ENTPD1: variants seen among roughly 807,000 people sequenced by gnomAD.
ENTPD1 encodes the protein ATP diphosphohydrolase.
In ENTPD1, 33 loss-of-function variants were observed where a neutral mutation model predicts 57.0. The ratio of observed to expected loss-of-function variants is 0.58; its 90% CI spans 0.44 to 0.77. The LOEUF (loss-of-function observed/expected upper bound fraction) is 0.77. Ranked by LOEUF, ENTPD1 falls within the 30% of genes least tolerant of loss-of-function variation. The probability of loss-of-function intolerance (pLI) is 0.00; values close to 1 mark genes in which losing one functional copy is unlikely to be tolerated. For synonymous variants in ENTPD1, 202 were observed against 218.8 expected (o/e 0.92, Z 0.68); for missense variants, 501 against 603.4 (o/e 0.83, Z 1.78).
chr10:95,776,326 C>G (rs1307132654), intron 1 of ENTPD1, among the ~76,000 whole-genome samples: 1 of 152,190 alleles, frequency 6.6e-6, no homozygotes, highest in African/African-American at 2.4e-5. Flanking sequence ...TCTTGTAAGG[C>G]AGGCCTGGTG....
rs1566269046 is a variant in ENTPD1, at chr10:95,871,051, A to T, written c.*4668A>T. 3.0e-6 allele frequency: 3 copies of T among 985,144 alleles called. No individual in the cohort carries two copies. The highest frequency in any genetic ancestry group is 3.6e-6 in the Non-Finnish European group (3 of 829,916). The allele number at this position is 985,144 out of a possible 1,614,324, so 61.0% of individuals were successfully genotyped here. ...TGAGAGGAAACTAGGATGCCTCTTAAGGTCTTGGTCAGGATGGGGTCTCCT... is the reference window on the plus strand; with the variant it reads ...TGAGAGGAAACTAGGATGCCTCTTATGGTCTTGGTCAGGATGGGGTCTCCT... On this transcript the variant is annotated 3_prime_UTR_variant, in exon 10 of 10. Coordinates refer to ENST00000371205, the MANE Select transcript of ENTPD1 (RefSeq NM_001776.6).
At chr10:95,709,377 T>C (rs529512973), upstream of ENTPD1, among the ~76,000 whole-genome samples, 3 of 152,130 alleles carry the variant, frequency 2.0e-5, no homozygotes, top group Admixed American at 1.3e-4. Context: ...TTTTTCTGTT[T>C]GTTTGTTTTT....
At position 95,791,027 on chromosome 10, in the gene ENTPD1, T is replaced by C. The variant is rs1357421126; in HGVS notation, c.17-32210T>C. On this transcript the variant is annotated intron_variant, in intron 1 of 9. Coordinates refer to ENST00000371205, the MANE Select transcript of ENTPD1 (RefSeq NM_001776.6). The surrounding 1 kb of genome is among the most constrained non-coding windows in gnomAD (Gnocchi z 4.1). ...CAATGTATTACATAAAAGGATCAAG[T>C]ATCATCAGGCTGGAAAAATGAGCTG... Among the ~76,000 whole-genome samples the C allele has an allele frequency of 6.6e-6, 1 of 152,212 alleles. No homozygotes were observed. The highest frequency in any genetic ancestry group is 1.9e-4 in the East Asian group (1 of 5,208).
At chr10:95,713,319 T>A (rs2097967967) in intron 1 of ENTPD1, among the ~76,000 whole-genome samples, 1 of 152,218 alleles carries the variant, frequency 6.6e-6, no homozygotes, top group African/African-American at 2.4e-5. Flanking sequence ...ACTTTAATTT[T>A]TTTTTCTTAA....
At chr10:95,821,649 C>T (rs916250309) in intron 1 of ENTPD1, among the ~76,000 whole-genome samples, 1 of 152,160 alleles carries the variant, frequency 6.6e-6, no homozygotes, top group Non-Finnish European at 1.5e-5. Flanking sequence ...ACCTGCTCTT[C>T]CTTGTTTGGA....
At chr10:95,864,635 C>T in intron 8 of ENTPD1, 89 bp from the exon 9 acceptor site, 1 of 1,573,812 alleles carries the variant, frequency 6.4e-7, no homozygotes, top group Non-Finnish European at 8.7e-7. Flanking sequence ...GGGGCTTTCC[C>T]CTCTCTTCAT....
chr10:95,850,529 G>T (rs767841726), intron 7 of ENTPD1, among the ~76,000 whole-genome samples: 4 of 152,226 alleles, frequency 2.6e-5, no homozygotes, highest in Non-Finnish European at 5.9e-5. Context: ...GAGCTGATTT[G>T]TAGCACTTAC....
At chr10:95,860,982 G>C (rs1014705379) in intron 8 of ENTPD1, among the ~76,000 whole-genome samples, 2 of 152,214 alleles carry the variant, frequency 1.3e-5, no homozygotes, top group Non-Finnish European at 2.9e-5. Flanking sequence ...AGATACATCT[G>C]TTCCTTTTTA....
intron 1 of ENTPD1, among the ~76,000 whole-genome samples, chr10:95,769,099 G>A (rs1470382223): frequency 6.6e-6 from 1 of 152,178 alleles, no homozygotes; most frequent in Admixed American, 6.5e-5. Flanking sequence ...TCAGACCCAG[G>A]AAAGAAGGCA....
intron 1 of ENTPD1, among the ~76,000 whole-genome samples, chr10:95,813,558 G>A (rs546658195): frequency 6.6e-6 from 1 of 152,126 alleles, no homozygotes; most frequent in African/African-American, 2.4e-5. Flanking sequence ...GCTGGTTTCT[G>A]TTAGGCCCTT....
chr10:95,740,377 G>A (rs950890388), intron 1 of ENTPD1, among the ~76,000 whole-genome samples: 3 of 152,168 alleles, frequency 2.0e-5, no homozygotes, highest in Non-Finnish European at 4.4e-5. Context: ...TGCTTGCCTT[G>A]GCTTCCCAAA....
At chr10:95,708,146 GT>G (rs1246398182), upstream of ENTPD1, among the ~76,000 whole-genome samples, 1 of 151,870 alleles carries the variant, frequency 6.6e-6, no homozygotes, top group African/African-American at 2.4e-5. Context: ...TATCTATTAA[GT>G]TTTTATATGC....
intron 1 of ENTPD1, among the ~76,000 whole-genome samples, chr10:95,728,453 C>T (rs1357298011): frequency 6.6e-6 from 1 of 152,034 alleles, no homozygotes; most frequent in Non-Finnish European, 1.5e-5. Context: ...CAGCTGCAGC[C>T]GCAAACCTCA....
intron 7 of ENTPD1, among the ~76,000 whole-genome samples, chr10:95,857,262 T>C (rs1057457573): frequency 6.6e-6 from 1 of 152,204 alleles, no homozygotes; most frequent in Non-Finnish European, 1.5e-5. Flanking sequence ...TGTTGCTAAA[T>C]CTACCTCATA....
chr10:95,856,917 G>T (rs1048323557), intron 7 of ENTPD1, among the ~76,000 whole-genome samples: 1 of 151,510 alleles, frequency 6.6e-6, no homozygotes, highest in Non-Finnish European at 1.5e-5. Flanking sequence ...ACAGTAAATT[G>T]TTAAAAAGTG....
chr10:95,820,445 G>A (rs919234537), intron 1 of ENTPD1, among the ~76,000 whole-genome samples: 6 of 152,186 alleles, frequency 3.9e-5, no homozygotes, highest in African/African-American at 1.4e-4. Flanking sequence ...ATGTGGAAAA[G>A]TGTACATCTA....
intron 6 of ENTPD1, 121 bp from the exon 7 acceptor site, chr10:95,847,325 T>A: frequency 8.5e-7 from 1 of 1,176,676 alleles, no homozygotes; most frequent in Non-Finnish European, 1.3e-6. Flanking sequence ...GGGCAGGACA[T>A]ATTGATTCCA....
At chr10:95,826,604 A>C (rs1007177844) in intron 2 of ENTPD1, among the ~76,000 whole-genome samples, 4 of 150,626 alleles carry the variant, frequency 2.7e-5, no homozygotes, top group African/African-American at 9.8e-5. Flanking sequence ...TTCCAGGCAG[A>C]AGGAAAGCAG....
chr10:95,818,775 G>T (rs2098338604), intron 1 of ENTPD1, among the ~76,000 whole-genome samples: 1 of 152,208 alleles, frequency 6.6e-6, no homozygotes, highest in African/African-American at 2.4e-5. Flanking sequence ...CTGTGAGTTG[G>T]AGGAACGACA....
Sources: allele counts gnomAD v4.1 joint callset (sites outside exome capture counted in the v4.1 genomes callset), GRCh38; gene constraint gnomAD v4.1.1; non-coding constraint Gnocchi (gnomAD v3.1); transcripts MANE v1.5; gene names NCBI Gene and HGNC (gene_info 2026-07-23, HGNC 2026-07-21).